The following UBE2U variants were observed in gnomAD, a reference collection of about 807,000 sequenced individuals.
UBE2U encodes ubiquitin conjugating enzyme E2 U.
In UBE2U, 39 loss-of-function variants were observed where a neutral mutation model predicts 41.2. The ratio of observed to expected loss-of-function variants is 0.95; its 90% CI spans 0.73 to 1.24. The LOEUF (loss-of-function observed/expected upper bound fraction) is 1.24. UBE2U is among the 50% of genes most tolerant of loss of function. The pLI, the probability that UBE2U is intolerant of heterozygous loss-of-function variation, is 0.00. For synonymous variants in UBE2U, 107 were observed against 117.8 expected (o/e 0.91, Z 0.60); for missense variants, 336 against 363.1 (o/e 0.93, Z 0.61).
intron 6 of UBE2U, among the ~76,000 whole-genome samples, chr1:64,222,146 G>A (rs894205730): frequency 6.7e-6 from 1 of 149,058 alleles, no homozygotes; most frequent in African/African-American, 2.5e-5. Flanking sequence ...ATGAAAAAAT[G>A]TTGAAAAATT....
chr1:64,253,532 G>T (rs1645044578), intron 8 of UBE2U, among the ~76,000 whole-genome samples: 1 of 150,134 alleles, frequency 6.7e-6, no homozygotes, highest in Non-Finnish European at 1.5e-5. Context: ...CAAGGCACCT[G>T]TAGGGAAGCC....
In UBE2U at chr1:64,203,833, T is replaced by G. The variant is rs1651121501; in HGVS notation, c.-218T>G. On this transcript the variant is annotated 5_prime_UTR_variant, in exon 1 of 10. Transcript: ENST00000371077. ...CGCAGATGAGGAAGTGCCCAAGTCT[T>G]CCTTCGGGAAGTTCTCGTTTAGAGG... 1 of 421,664 alleles carries G rather than the reference T, an allele frequency of 2.4e-6. No homozygotes were observed. Among genetic ancestry groups the G allele is most frequent in the Non-Finnish European group, 4.2e-6 (1 of 235,998 alleles). 26.1% of individuals were successfully genotyped at this position (421,664 alleles called of 1,614,324 possible).
At chr1:64,250,702 G>A (rs1209044139) in intron 8 of UBE2U, among the ~76,000 whole-genome samples, 2 of 151,970 alleles carry the variant, frequency 1.3e-5, no homozygotes, top group African/African-American at 4.8e-5. Flanking sequence ...AGAAAATGTG[G>A]CACATATACA....
chr1:64,210,439 TA>T (rs1292348146), intron 3 of UBE2U, among the ~76,000 whole-genome samples: 7 of 152,072 alleles, frequency 4.6e-5, no homozygotes, highest in Non-Finnish European at 1.0e-4. Context: ...CAGCTTCCTT[TA>T]AAAAAAGACT....
rs1181935786 is a variant in UBE2U, at chr1:64,232,669, T to C, written c.595+20T>C. 6.4e-7 allele frequency: 1 copy of C among 1,573,708 alleles called. No individual in the cohort carries two copies. The highest frequency in any genetic ancestry group is 1.4e-5 in the African/African-American group (1 of 73,886). On this transcript the variant is annotated intron_variant, in intron 7 of 9. Transcript: ENST00000371077. ...CTCCATGTAAGGTGAACTATCCTTA[T>C]CCTATGTCCTTTTGGTATATGTTAA...
intron 8 of UBE2U, chr1:64,244,163 A>C: frequency 1.2e-6 from 2 of 1,608,460 alleles, no homozygotes; most frequent in Non-Finnish European, 1.7e-6. Context: ...AGCATAGGGG[A>C]AGAGCATGAG....
chr1:64,239,132 GAAGAAGAAGAAGAAGAAGAA>G (rs1557730340), intron 7 of UBE2U, among the ~76,000 whole-genome samples: 5 of 27,666 alleles, frequency 1.8e-4, no homozygotes, highest in African/African-American at 9.7e-4. Context: ...AGAAGAAGAA[GAAGAAGAAGAAGAAGAAGAA>G]GAAGAAAGAA....
chr1:64,243,287 T>C (rs1644866364), intron 8 of UBE2U, among the ~76,000 whole-genome samples: 1 of 152,328 alleles, frequency 6.6e-6, no homozygotes, highest in South Asian at 2.1e-4. Flanking sequence ...AAAGATATTA[T>C]ATTTATCTGC....
At chr1:64,246,933 C>G (rs1644930360) in intron 8 of UBE2U, among the ~76,000 whole-genome samples, 1 of 152,140 alleles carries the variant, frequency 6.6e-6, no homozygotes, top group African/African-American at 2.4e-5. Context: ...GGCACCATGT[C>G]AGACACTGAG....
intron 9 of UBE2U, among the ~76,000 whole-genome samples, chr1:64,263,418 C>A (rs1269782034): frequency 6.6e-6 from 1 of 152,128 alleles, no homozygotes; most frequent in Admixed American, 6.5e-5. Flanking sequence ...CGTGCCTGGA[C>A]TGGCCCTCTG....
chr1:64,223,717 T>C (rs1405207112), intron 6 of UBE2U, among the ~76,000 whole-genome samples: 1 of 152,118 alleles, frequency 6.6e-6, no homozygotes, highest in African/African-American at 2.4e-5. Flanking sequence ...GAGAAACATC[T>C]TACTCAGGCT....
At chr1:64,254,673 T>G (rs1645063759) in intron 8 of UBE2U, among the ~76,000 whole-genome samples, 1 of 152,084 alleles carries the variant, frequency 6.6e-6, no homozygotes, top group South Asian at 2.1e-4. Context: ...CTTGAATGAC[T>G]CCTGGGTAAA....
Position 64,267,062 on chromosome 1 carries a change from A to C in UBE2U, c.808A>C (p.Ile270Leu), listed in dbSNP as rs1325683854. Reference protein sequence around the residue: ...FLESPTAINSITDIYETEEEG... With the variant: ...FLESPTAINSLTDIYETEEEG... Reference sequence around the variant, plus strand: ...TGAGTCACCAACTGCAATAAATAGCATCACAGACATTTATGAAACAGAAGA... The same window carrying C: ...TGAGTCACCAACTGCAATAAATAGCCTCACAGACATTTATGAAACAGAAGA... Residue 270 changes from isoleucine to leucine, a missense_variant, in exon 10 of 10, where the codon ATC (isoleucine) becomes CTC (leucine). Ile to Leu is a conservative substitution (Grantham distance 5, BLOSUM62 2). Coordinates refer to ENST00000371077, the MANE Select transcript of UBE2U (RefSeq NM_001366232.2). 6.5e-7 allele frequency: 1 copy of C among 1,550,014 alleles called. No homozygotes were observed.
intron 6 of UBE2U, among the ~76,000 whole-genome samples, chr1:64,232,242 T>G (rs1039004013): frequency 6.6e-6 from 1 of 152,360 alleles, no homozygotes; most frequent in East Asian, 1.9e-4. Context: ...TATAACGCTT[T>G]GCTTAGAGTT....
At position 64,214,858 on chromosome 1, in the gene UBE2U, A is replaced by G; in HGVS notation, c.383A>G (p.Glu128Gly). 1 of 1,614,194 alleles carries G rather than the reference A, an allele frequency of 6.2e-7. No individual in the cohort carries two copies. The part of the protein sequence containing the change: ...NPVLENPVNL[E>G]AARILVKDES... ...GTGCTAGAGAATCCAGTGAATTTGG[A>G]AGCAGCCAGAATACTGGTTAAAGAT... is the stretch of plus-strand genomic sequence containing the variant. Residue 128 changes from glutamate (E) to glycine (G), a missense_variant, in exon 5 of 10, where the codon GAA becomes GGA. By Grantham distance (98) the Glu-to-Gly change is moderately conservative. Transcript: ENST00000371077.
chr1:64,248,255 A>G (rs953827170), intron 8 of UBE2U, among the ~76,000 whole-genome samples: 2 of 152,068 alleles, frequency 1.3e-5, no homozygotes, highest in Non-Finnish European at 2.9e-5. Flanking sequence ...GTGACCAGAG[A>G]AATACGATAC....
intron 7 of UBE2U, among the ~76,000 whole-genome samples, chr1:64,236,846 C>T (rs893126259): frequency 6.6e-6 from 1 of 152,160 alleles, no homozygotes; most frequent in Non-Finnish European, 1.5e-5. Context: ...GGTTCTCAGT[C>T]TTGACTGCTC....
At chr1:64,209,329 C>A (rs1440517780) in intron 3 of UBE2U, among the ~76,000 whole-genome samples, 2 of 151,042 alleles carry the variant, frequency 1.3e-5, no homozygotes, top group African/African-American at 4.9e-5. Flanking sequence ...CTTTTTTTTT[C>A]CCCCATCACT....
At chr1:64,242,817 G>A (rs953188656) in intron 8 of UBE2U, among the ~76,000 whole-genome samples, 3 of 152,144 alleles carry the variant, frequency 2.0e-5, no homozygotes, top group Non-Finnish European at 4.4e-5. Context: ...AGGAGTATAA[G>A]CATGTTTTTT....
Sources: gnomAD v4.1 joint callset for allele counts (sites outside exome capture counted in the v4.1 genomes callset) on GRCh38, gnomAD v4.1.1 for gene constraint, MANE v1.5 for transcripts, NCBI Gene and HGNC (gene_info 2026-07-23, HGNC 2026-07-21) for gene names.